Variants in FNDC3A observed in about 807,000 individuals in gnomAD.
FNDC3A encodes the protein fibronectin type III domain containing 3A, also known as fibronectin type-III domain-containing protein 3A.
FNDC3A carries 32 observed loss-of-function variants against 148.9 expected under a neutral mutation model. That is an observed-to-expected ratio of 0.21 (90% confidence interval 0.16 to 0.29). The LOEUF is 0.29. Ranked by LOEUF, FNDC3A falls within the 10% of genes least tolerant of loss-of-function variation. The pLI, the probability that FNDC3A is intolerant of heterozygous loss-of-function variation, is 1.00. For synonymous variants in FNDC3A, 472 were observed against 473.6 expected, an observed-to-expected ratio of 1.00 and a Z score of 0.04; for missense variants, 1,191 against 1,452.8, an observed-to-expected ratio of 0.82 and a Z score of 2.93.
chr13:48,985,584 C>T (rs1951774491), intron 1 of FNDC3A, among the ~76,000 whole-genome samples: 1 of 152,052 alleles, frequency 6.6e-6, no homozygotes, highest in Non-Finnish European at 1.5e-5. Context: ...CATAGATGTA[C>T]TTCTTAAGAT....
chr13:49,078,010 GCA>G (rs1330009500), intron 3 of FNDC3A, among the ~76,000 whole-genome samples: 1 of 152,206 alleles, frequency 6.6e-6, no homozygotes, highest in Admixed American at 6.5e-5. Flanking sequence ...TTCTAATAGA[GCA>G]CACATCTAGG....
intron 3 of FNDC3A, among the ~76,000 whole-genome samples, chr13:49,081,240 C>G (rs1040491179): frequency 6.6e-6 from 1 of 152,104 alleles, no homozygotes. Flanking sequence ...TATGGCACTT[C>G]TACTTTGGTG....
At chr13:49,087,584 A>C (rs1003549252) in intron 3 of FNDC3A, among the ~76,000 whole-genome samples, 2 of 152,150 alleles carry the variant, frequency 1.3e-5, no homozygotes, top group Non-Finnish European at 2.9e-5. Flanking sequence ...AAGATTAGAT[A>C]ATTTTAAAGA....
At chr13:49,011,460 C>G (rs1952344105) in intron 2 of FNDC3A, among the ~76,000 whole-genome samples, 1 of 152,170 alleles carries the variant, frequency 6.6e-6, no homozygotes, top group Non-Finnish European at 1.5e-5. Flanking sequence ...TCTCGAACTC[C>G]TGACCTCAAG....
At chr13:49,122,188 G>A (rs1881394347) in intron 4 of FNDC3A, among the ~76,000 whole-genome samples, 1 of 152,116 alleles carries the variant, frequency 6.6e-6, no homozygotes, top group Non-Finnish European at 1.5e-5. Flanking sequence ...ATGCAAGGCT[G>A]GTTCAACATA....
At chr13:49,060,041 C>T (rs1461590715) in intron 2 of FNDC3A, among the ~76,000 whole-genome samples, 1 of 152,102 alleles carries the variant, frequency 6.6e-6, no homozygotes, top group Non-Finnish European at 1.5e-5. Context: ...AAGTGGAATC[C>T]TTATACATTT....
chr13:49,135,516 A>G (rs1034792848), intron 5 of FNDC3A, among the ~76,000 whole-genome samples: 2 of 152,116 alleles, frequency 1.3e-5, no homozygotes, highest in African/African-American at 4.8e-5. Context: ...TAATTTTTGT[A>G]TATGGTGTGA....
rs577736505 is a variant in FNDC3A at position 49,048,300 on chromosome 13, A to AT, written c.100-26980dup. Among the ~76,000 whole-genome samples the AT allele has an allele frequency of 4.4e-3, 657 of 150,702 alleles. 2 individuals carry two copies. The highest frequency in any genetic ancestry group is 0.018 in the South Asian group (84 of 4,768). On this transcript the variant is annotated intron_variant, in intron 2 of 25. Coordinates refer to ENST00000492622, the MANE Select transcript of FNDC3A (RefSeq NM_001079673.2). ...CTTTTGGTTCTGTATGAATTTTAGG[A>AT]TTTTTTTTTAAGTTCTGTGAAGAAT... is the stretch of plus-strand genomic sequence containing the variant.
chr13:49,148,501 T>C (rs1346350724), intron 8 of FNDC3A, among the ~76,000 whole-genome samples: 1 of 152,162 alleles, frequency 6.6e-6, no homozygotes, highest in Admixed American at 6.5e-5. Context: ...TTGGCACCAT[T>C]GTTAAAAAGT....
Position 49,043,283 on chromosome 13 carries a change from C to A in FNDC3A, c.100-32006C>A, listed in dbSNP as rs146480003. ...CCCATCCTGCAAACATATTTTTAAG[C>A]TGTTAAAAAATTATTTTATTTTTAA... On this transcript the variant is annotated intron_variant, in intron 2 of 25. Transcript: ENST00000492622. Among the ~76,000 whole-genome samples, 1,416 of 152,206 alleles carry A rather than the reference C, an allele frequency of 9.3e-3. 9 individuals are homozygous for A. Among genetic ancestry groups the A allele is most frequent in the Non-Finnish European group, 0.014 (926 of 68,010 alleles).
chr13:49,010,743 ACAT>A (rs1952323306), intron 2 of FNDC3A, among the ~76,000 whole-genome samples: 2 of 152,202 alleles, frequency 1.3e-5, no homozygotes, highest in African/African-American at 4.8e-5. Context: ...TGTTTCTTCC[ACAT>A]CATAACACCC....
intron 2 of FNDC3A, among the ~76,000 whole-genome samples, chr13:49,017,110 T>A (rs913182036): frequency 1.3e-5 from 2 of 152,188 alleles, no homozygotes; most frequent in African/African-American, 2.4e-5. Flanking sequence ...TGCAGATGTC[T>A]ATTAGGTCTG....
At chr13:49,050,159 G>T (rs1409653699) in intron 2 of FNDC3A, among the ~76,000 whole-genome samples, 2 of 151,784 alleles carry the variant, frequency 1.3e-5, no homozygotes, top group African/African-American at 4.8e-5. Flanking sequence ...TCTGATGTTC[G>T]TTATTTCTTT....
chr13:49,039,825 C>T (rs1034950161), intron 2 of FNDC3A, among the ~76,000 whole-genome samples: 1 of 152,190 alleles, frequency 6.6e-6, no homozygotes, highest in Non-Finnish European at 1.5e-5. Context: ...AGCGATCCTC[C>T]TGCTTCAGCC....
rs1882522409 is a variant in FNDC3A, at chr13:49,138,736, A to AT, written c.761-4dup. 8 of 1,359,480 alleles carry AT rather than the reference A, an allele frequency of 5.9e-6. No homozygotes were observed. The highest frequency in any genetic ancestry group is 2.3e-5 in the East Asian group (1 of 42,748). The allele number at this position is 1,359,480 out of a possible 1,614,324, so 84.2% of individuals were successfully genotyped here. A position where few individuals can be genotyped will look rare whatever the true frequency, so the allele number is the denominator to read the frequency against. ...TTTTTTTTAAATATTCAAATGTTTT[A>AT]TTTTTTTAAGAAAAAGATGAAGAAA... is the stretch of plus-strand genomic sequence containing the variant. On this transcript the variant is annotated splice_polypyrimidine_tract_variant and intron_variant, in intron 6 of 25. Coordinates refer to ENST00000492622, the MANE Select transcript of FNDC3A (RefSeq NM_001079673.2).
Position 49,131,392 on chromosome 13 carries a change from A to G in FNDC3A, c.490+18A>G. The G allele has an allele frequency of 6.6e-7, 1 of 1,516,122 alleles. No individual in the cohort carries two copies. Among genetic ancestry groups the G allele is most frequent in the Non-Finnish European group, 9.2e-7 (1 of 1,090,682 alleles). The allele number at this position is 1,516,122 out of a possible 1,614,324, so 93.9% of individuals were successfully genotyped here. On this transcript the variant is annotated intron_variant, in intron 5 of 25. Transcript: ENST00000492622. ...AGATGTAGGTAAGACATCTAAAAGT[A>G]TTCCACTGTTATTGAGTTGGATATT...
chr13:49,207,050 G>A (rs775866837), intron 25 of FNDC3A, 31 bp from the exon 26 acceptor site: 23 of 1,535,088 alleles, frequency 1.5e-5, no homozygotes, highest in South Asian at 6.8e-5. Context: ...GCCTTCACAC[G>A]TAATTCTTCC....
In FNDC3A at chr13:49,131,193, T is replaced by G; in HGVS notation, c.309T>G (p.Phe103Leu). The change falls in exon 5 of 26, where the codon TTT becomes TTG. Residue 103 changes from phenylalanine (F) to leucine (L), a missense_variant. Phe to Leu is a conservative substitution (Grantham distance 22). Around this residue, in one of 3 missense-constraint regions of FNDC3A, gnomAD observed 426 missense variants for 473.2 expected, o/e 0.90. Coordinates refer to ENST00000492622, the MANE Select transcript of FNDC3A (RefSeq NM_001079673.2). ...RVVVVPQAPE[F>L]HPGSHTVLHR... is the part of the protein sequence containing the mutation. ...TCGTGGTCCCTCAGGCACCAGAGTTTCACCCTGGTAGTCACACAGTTCTCC... is the reference window on the plus strand; with the variant it reads ...TCGTGGTCCCTCAGGCACCAGAGTTGCACCCTGGTAGTCACACAGTTCTCC... 1 of 1,614,146 alleles carries G rather than the reference T, an allele frequency of 6.2e-7. No individual in the cohort carries two copies. The highest frequency in any genetic ancestry group is 8.5e-7 in the Non-Finnish European group (1 of 1,179,960).
intron 8 of FNDC3A, among the ~76,000 whole-genome samples, chr13:49,155,772 T>C (rs1883630239): frequency 2.1e-5 from 1 of 48,002 alleles, no homozygotes; most frequent in Non-Finnish European, 4.3e-5. Flanking sequence ...TTCATTTCGT[T>C]ATGTACCCAG....
Sources: allele counts gnomAD v4.1 joint callset (sites outside exome capture counted in the v4.1 genomes callset), GRCh38; gene constraint gnomAD v4.1.1; regional missense constraint gnomAD v4.1.1; transcripts MANE v1.5; gene names NCBI Gene and HGNC (gene_info 2026-07-23, HGNC 2026-07-21).